Variants in CCNH observed in about 807,000 individuals in gnomAD.
CCNH encodes the protein cyclin H.
A neutral mutation model predicts 41.9 loss-of-function variants in CCNH; 31 were observed. The ratio of observed to expected loss-of-function variants is 0.74; its 90% CI spans 0.56 to 1.00. CCNH has a LOEUF of 1.00. Among genes scored for constraint, CCNH ranks in the 50% least tolerant of loss-of-function variants. CCNH has a pLI of 0.00. For synonymous variants in CCNH, 138 were observed against 136.1 expected (o/e 1.01, Z -0.10); for missense variants, 362 against 388.4 (o/e 0.93, Z 0.57).
intron 9 of CCNH, among the ~76,000 whole-genome samples, chr5:87,335,171 T>G (rs1037865476): frequency 2.0e-5 from 3 of 151,876 alleles, no homozygotes; most frequent in Admixed American, 6.6e-5. Flanking sequence ...CATGAGCCAC[T>G]GCACCTGGCT....
At chr5:87,329,326 C>T (rs561668541) in intron 9 of CCNH, among the ~76,000 whole-genome samples, 22 of 150,832 alleles carry the variant, frequency 1.5e-4, no homozygotes, top group Non-Finnish European at 1.9e-4. Context: ...TCTGCAGTCT[C>T]GGCTACTTGG....
chr5:87,315,627 A>AAATATAG (rs1453662140), downstream of CCNH, among the ~76,000 whole-genome samples: 1 of 152,232 alleles, frequency 6.6e-6, no homozygotes, highest in East Asian at 1.9e-4. Context: ...AACCTAGAGT[A>AAATATAG]AATATAGAAT....
At chr5:87,374,343 A>G, downstream of CCNH, 4 of 1,587,078 alleles carry the variant, frequency 2.5e-6, no homozygotes, top group Middle Eastern at 1.7e-4. Flanking sequence ...TTATCATTAC[A>G]TTAATCATTT....
intron 9 of CCNH, among the ~76,000 whole-genome samples, chr5:87,363,037 G>A (rs368686106): frequency 6.6e-6 from 1 of 151,632 alleles, no homozygotes; most frequent in African/African-American, 2.4e-5. Context: ...TAAAGTGGAA[G>A]AATTTTTTCC....
downstream of CCNH, among the ~76,000 whole-genome samples, chr5:87,315,563 A>G (rs1756263287): frequency 6.6e-6 from 1 of 152,214 alleles, no homozygotes; most frequent in Admixed American, 6.5e-5. Flanking sequence ...TTTTAAAAAA[A>G]TCTTGTGTTT....
At chr5:87,319,481 CA>C (rs1756614347) in intron 9 of CCNH, among the ~76,000 whole-genome samples, 1 of 152,234 alleles carries the variant, frequency 6.6e-6, no homozygotes. Flanking sequence ...TTTGTGCACC[CA>C]CAGACCCAAC....
chr5:87,373,698 A>G (rs542737920), downstream of CCNH, among the ~76,000 whole-genome samples: 1 of 152,320 alleles, frequency 6.6e-6, no homozygotes, highest in Non-Finnish European at 1.5e-5. Context: ...CCTGTAAAAT[A>G]AGAAGGTAAA....
downstream of CCNH, chr5:87,374,092 A>C: frequency 7.3e-6 from 9 of 1,228,292 alleles, no homozygotes; most frequent in Non-Finnish European, 9.3e-6. Context: ...TCTTAGAGTA[A>C]TTGCTTTTGA....
downstream of CCNH, among the ~76,000 whole-genome samples, chr5:87,371,712 C>T (rs1760954598): frequency 6.6e-6 from 1 of 152,026 alleles, no homozygotes; most frequent in Non-Finnish European, 1.5e-5. Flanking sequence ...GCACTCTCCC[C>T]CTCTCACAAA....
At chr5:87,385,340 T>C (rs1164091147) in intron 9 of CCNH, 1 of 1,611,626 alleles carries the variant, frequency 6.2e-7, no homozygotes, top group Non-Finnish European at 8.5e-7. Context: ...CTGATATTAG[T>C]GGCTAAATCT....
intron 9 of CCNH, chr5:87,362,596 TATA>T (rs760872791): frequency 6.3e-7 from 1 of 1,597,482 alleles, no homozygotes; most frequent in South Asian, 1.1e-5. Context: ...CAAGGAAATC[TATA>T]ATACCATCCG....
At chr5:87,369,048 G>C (rs1760735503) in intron 9 of CCNH, among the ~76,000 whole-genome samples, 2 of 152,056 alleles carry the variant, frequency 1.3e-5, no homozygotes, top group Admixed American at 6.6e-5. Context: ...TAAGTGTTAA[G>C]CTTGTCCTCT....
intron 9 of CCNH, chr5:87,369,792 ATT>A (rs754673640): frequency 1.3e-6 from 2 of 1,570,242 alleles, no homozygotes; most frequent in East Asian, 2.3e-5. Flanking sequence ...CTTCCTAATA[ATT>A]TTTGTTTTTA....
chr5:87,399,077 G>C (rs1250702850), intron 7 of CCNH, among the ~76,000 whole-genome samples: 2 of 151,994 alleles, frequency 1.3e-5, no homozygotes, highest in Non-Finnish European at 2.9e-5. Context: ...ACTTCAAAGA[G>C]ACAAAAGATT....
chr5:87,405,079 C>T (rs1763693714), intron 4 of CCNH, 72 bp from the exon 5 acceptor site: 1 of 1,039,284 alleles, frequency 9.6e-7, no homozygotes, highest in East Asian at 2.4e-5. Context: ...TTAAAAATTA[C>T]ACAACTCCTA....
chr5:87,395,024 A>G lies in CCNH; in HGVS notation c.933+20T>C. 1 of 1,611,490 alleles carries G rather than the reference A, an allele frequency of 6.2e-7. No homozygotes were observed. The highest frequency in any genetic ancestry group is 8.5e-7 in the Non-Finnish European group (1 of 1,177,884). On this transcript the variant is annotated intron_variant, in intron 8 of 8. Transcript: ENST00000256897. ...GTATAACAAAAATAACTTAGAGTTCATCTTTGGAGTAAAACATACCTCCTC... is the reference window on the plus strand; with the variant it reads ...GTATAACAAAAATAACTTAGAGTTCGTCTTTGGAGTAAAACATACCTCCTC...
In CCNH at chr5:87,412,811, G is replaced by C. The variant is rs376595693; in HGVS notation, c.-17C>G. 16 of 1,611,344 alleles carry C rather than the reference G, an allele frequency of 9.9e-6. No homozygotes were observed. The highest frequency in any genetic ancestry group is 1.3e-5 in the Non-Finnish European group (15 of 1,177,888). On this transcript the variant is annotated 5_prime_UTR_variant, in exon 1 of 9. Transcript: ENST00000256897. ...GTGGTACATTATGGAATCGTGACCA[G>C]GTCCAGAGGGTCTGCAGACGAGAAC...
At chr5:87,366,336 A>G (rs1760515098) in intron 9 of CCNH, 2 of 407,416 alleles carry the variant, frequency 4.9e-6, no homozygotes, top group African/African-American at 2.0e-5. Context: ...ATTTTGATAT[A>G]GTTTATATGA....
At chr5:87,332,732 T>G in intron 9 of CCNH, 2 of 1,286,182 alleles carry the variant, frequency 1.6e-6, no homozygotes, top group Non-Finnish European at 2.2e-6. Context: ...ATGTTTATTA[T>G]AATTCAAGAA....
Sources: gnomAD v4.1 joint callset for allele counts (sites outside exome capture counted in the v4.1 genomes callset) on GRCh38, gnomAD v4.1.1 for gene constraint, MANE v1.5 for transcripts, NCBI Gene and HGNC (gene_info 2026-07-23, HGNC 2026-07-21) for gene names.